The following USP34 variants were observed in gnomAD, a reference collection of about 807,000 sequenced individuals.
The protein encoded by USP34 is ubiquitin specific peptidase 34.
Under a neutral mutation model 460.3 loss-of-function variants are expected in USP34, and 70 were observed. The observed-to-expected ratio is 0.15, with a 90% CI of 0.13 to 0.19. The LOEUF (loss-of-function observed/expected upper bound fraction) is 0.19, where lower values mean the gene tolerates loss of function less well. Among genes scored for constraint, USP34 ranks in the 10% least tolerant of loss-of-function variants. The pLI, the probability that USP34 is intolerant of heterozygous loss-of-function variation, is 1.00. For synonymous variants in USP34, 1,647 were observed against 1,405.3 expected, an observed-to-expected ratio of 1.17 and a Z score of -3.85; for missense variants, 3,985 against 4,236.2, an observed-to-expected ratio of 0.94 and a Z score of 1.65.
intron 21 of USP34, among the ~76,000 whole-genome samples, chr2:61,324,889 T>A (rs1321433429): frequency 6.6e-6 from 1 of 152,150 alleles, no homozygotes; most frequent in African/African-American, 2.4e-5. Flanking sequence ...TATAAATGTA[T>A]TAAGAATAAT....
rs1687025027 is a variant in USP34 at position 61,203,181 on chromosome 2, G to A, written c.9467C>T (p.Ala3156Val). 1 of 1,598,842 alleles carries A rather than the reference G, an allele frequency of 6.3e-7. No individual in the cohort carries two copies. Among genetic ancestry groups the A allele is most frequent in the East Asian group, 2.3e-5 (1 of 44,316 alleles). The change falls in exon 75 of 80, where the codon GCA becomes GTA. Residue 3156 changes from alanine to valine, a missense_variant. Physicochemically the swap from Ala to Val is moderately conservative, Grantham distance 64 (BLOSUM62 0). Transcript: ENST00000398571. The part of the protein sequence containing the change: ...HQFIHLLCRV[A>V]INCEKFTETL... The stretch of plus-strand genomic sequence containing the variant: ...TTCAGTAAATTTTTCACAGTTGATT[G>A]CAACTCGGCATAATAGATGGATGAA...
intron 41 of USP34, among the ~76,000 whole-genome samples, chr2:61,270,987 A>T (rs1252077574): frequency 1.3e-5 from 2 of 152,154 alleles, no homozygotes; most frequent in Admixed American, 6.5e-5. Context: ...GATATCCATT[A>T]AAAAAGCTGT....
At chr2:61,438,288 GA>G (rs2104016618) in intron 1 of USP34, among the ~76,000 whole-genome samples, 1 of 152,192 alleles carries the variant, frequency 6.6e-6, no homozygotes, top group Admixed American at 6.5e-5. Flanking sequence ...AAAAGCATTT[GA>G]TAAAATTCAA....
At chr2:61,379,887 A>G (rs1230510711) in intron 7 of USP34, among the ~76,000 whole-genome samples, 2 of 152,254 alleles carry the variant, frequency 1.3e-5, no homozygotes, top group Non-Finnish European at 2.9e-5. Context: ...AAACATCTAT[A>G]AACATAAAAA....
intron 76 of USP34, among the ~76,000 whole-genome samples, chr2:61,192,420 G>A (rs1333878196): frequency 6.6e-6 from 1 of 152,204 alleles, no homozygotes; most frequent in Non-Finnish European, 1.5e-5. Context: ...AATCTTTCCT[G>A]TTTTCAAGGA....
chr2:61,274,112 A>G (rs142552011), intron 41 of USP34, among the ~76,000 whole-genome samples: 103 of 152,148 alleles, frequency 6.8e-4, no homozygotes, highest in African/African-American at 2.0e-3. Context: ...TAAGCAGGCC[A>G]GGTGAGGTGG....
intron 27 of USP34, among the ~76,000 whole-genome samples, chr2:61,304,069 T>C (rs1449864534): frequency 1.3e-5 from 2 of 152,120 alleles, no homozygotes; most frequent in Non-Finnish European, 2.9e-5. Context: ...AGCTAATTTT[T>C]GTATTTTTAG....
At chr2:61,408,794 G>A (rs1194950998) in intron 2 of USP34, among the ~76,000 whole-genome samples, 1 of 152,118 alleles carries the variant, frequency 6.6e-6, no homozygotes, top group Non-Finnish European at 1.5e-5. Flanking sequence ...TGAGGAGGCT[G>A]AGGCAGGAGA....
At chr2:61,264,614 C>G (rs1415304358) in intron 43 of USP34, among the ~76,000 whole-genome samples, 2 of 152,146 alleles carry the variant, frequency 1.3e-5, no homozygotes, top group Non-Finnish European at 2.9e-5. Context: ...GCACTCCAGT[C>G]AGGGTGACAG....
intron 3 of USP34, 82 bp downstream of exon 3, chr2:61,405,626 G>T: frequency 8.0e-7 from 1 of 1,242,724 alleles, no homozygotes; most frequent in Non-Finnish European, 1.1e-6. Flanking sequence ...GCAGAAAACT[G>T]TCTTCATATT....
intron 16 of USP34, among the ~76,000 whole-genome samples, chr2:61,340,674 C>T (rs1440481491): frequency 6.6e-6 from 1 of 152,084 alleles, no homozygotes; most frequent in East Asian, 1.9e-4. Flanking sequence ...TCCCTAATGA[C>T]TAATGATGAG....
Position 61,241,726 on chromosome 2 carries a change from G to GA in USP34, c.6681+39dup, listed in dbSNP as rs760022104. 194 of 1,489,888 alleles carry GA rather than the reference G, an allele frequency of 1.3e-4. No homozygotes were observed. In the East Asian group the frequency reaches 4.4e-3, roughly 34 times the overall value. 92.3% of individuals were successfully genotyped at this position (1,489,888 alleles called of 1,614,324 possible). A position where few individuals can be genotyped will look rare whatever the true frequency, so the allele number is the denominator to read the frequency against. ...TACTCTAAAAGTAGACAATGCAGAAGAAAAAACAATATAAAATTATACATG... is the reference window on the plus strand; with the variant it reads ...TACTCTAAAAGTAGACAATGCAGAAGAAAAAAACAATATAAAATTATACATG... On this transcript the variant is annotated intron_variant, in intron 52 of 79. Coordinates refer to ENST00000398571, the MANE Select transcript of USP34 (RefSeq NM_014709.4).
At chr2:61,223,380 G>A (rs1687643512) in intron 62 of USP34, 84 bp from the exon 63 acceptor site, 3 of 1,323,768 alleles carry the variant, frequency 2.3e-6, no homozygotes, top group African/African-American at 1.5e-5. Flanking sequence ...AAAAATTGTT[G>A]ATTCAATTAT....
chr2:61,420,696 T>C lies in USP34; in HGVS notation c.131+50A>G. The stretch of plus-strand genomic sequence containing the variant: ...AAATGTGACAATAAAAATCGCAACT[T>C]ATAACACAACTCACAAAAATTAGTC... On this transcript the variant is annotated intron_variant, in intron 2 of 79. Transcript: ENST00000398571. 2 of 1,451,364 alleles carry C rather than the reference T, an allele frequency of 1.4e-6. 1 individual carries two copies. Among genetic ancestry groups the C allele is most frequent in the South Asian group, 2.6e-5 (2 of 76,326 alleles). The allele number at this position is 1,451,364 out of a possible 1,614,324, so 89.9% of individuals were successfully genotyped here.
At chr2:61,298,259 C>T (rs1690095869) in intron 29 of USP34, among the ~76,000 whole-genome samples, 1 of 150,004 alleles carries the variant, frequency 6.7e-6, no homozygotes. Flanking sequence ...CAGTGGCTCC[C>T]ACCTGTAATC....
At chr2:61,437,401 C>T (rs1038920039) in intron 1 of USP34, among the ~76,000 whole-genome samples, 6 of 152,130 alleles carry the variant, frequency 3.9e-5, no homozygotes, top group Non-Finnish European at 7.4e-5. Context: ...TGACCAACTA[C>T]GCAGCAATAA....
chr2:61,414,496 C>G (rs1694139292), intron 2 of USP34, among the ~76,000 whole-genome samples: 2 of 152,228 alleles, frequency 1.3e-5, no homozygotes, highest in South Asian at 4.2e-4. Context: ...TATCCTCTCT[C>G]AGAAAAGATG....
intron 1 of USP34, among the ~76,000 whole-genome samples, chr2:61,439,112 A>C (rs1553391610): frequency 6.6e-6 from 1 of 152,236 alleles, no homozygotes; most frequent in Non-Finnish European, 1.5e-5. Flanking sequence ...TAACAAAGGA[A>C]GTGAAAGACC....
At position 61,204,555 on chromosome 2, in the gene USP34, A is replaced by G. The variant is rs750917210; in HGVS notation, c.9201T>C (p.His3067=). The G allele has an allele frequency of 1.2e-6, 2 of 1,614,188 alleles. No homozygotes were observed. The highest frequency in any genetic ancestry group is 3.3e-5 in the Admixed American group (2 of 60,028). Residue 3067 remains histidine, a synonymous_variant, in exon 73 of 80, where the codon CAT becomes CAC. Transcript: ENST00000398571. Reference sequence around the variant, plus strand: ...TGTGTTGTAGAAAGGGAACCAGAGTATGAAGAAAATCATGGGGACTCAAAA... The same window carrying G: ...TGTGTTGTAGAAAGGGAACCAGAGTGTGAAGAAAATCATGGGGACTCAAAA... ...LVLLSPHDFL[H]TLVPFLQHNH... is the part of the protein sequence containing the mutation.
Sources: allele counts gnomAD v4.1 joint callset (sites outside exome capture counted in the v4.1 genomes callset), GRCh38; gene constraint gnomAD v4.1.1; transcripts MANE v1.5; gene names NCBI Gene and HGNC (gene_info 2026-07-23, HGNC 2026-07-21).